SCAPER: variants seen among roughly 807,000 people sequenced by gnomAD.
The protein encoded by SCAPER is S phase cyclin A-associated protein in the endoplasmic reticulum.
A neutral mutation model predicts 182.2 loss-of-function variants in SCAPER; 98 were observed. The ratio of observed to expected loss-of-function variants is 0.54; its 90% CI spans 0.46 to 0.64. SCAPER has a LOEUF of 0.64. Ranked by LOEUF, SCAPER falls within the 30% of genes least tolerant of loss-of-function variation. SCAPER has a pLI of 0.00. For missense variants in SCAPER, 1,432 were observed against 1,690.0 expected (o/e 0.85, Z 2.68); for synonymous variants, 605 against 564.6 (o/e 1.07, Z -1.01).
chr15:76,874,118 T>C (rs921502312), intron 2 of SCAPER, among the ~76,000 whole-genome samples: 10 of 152,266 alleles, frequency 6.6e-5, no homozygotes, highest in Middle Eastern at 3.4e-3. Context: ...GGTCTTGAAC[T>C]CCTAGCCTCA....
At chr15:76,727,688 T>C (rs1449077866) in intron 17 of SCAPER, among the ~76,000 whole-genome samples, 1 of 152,014 alleles carries the variant, frequency 6.6e-6, no homozygotes, top group African/African-American at 2.4e-5. Flanking sequence ...CCAAAAGGCA[T>C]AAATTATAGT....
chr15:76,833,543 C>T (rs1168150777), intron 5 of SCAPER, among the ~76,000 whole-genome samples: 1 of 152,140 alleles, frequency 6.6e-6, no homozygotes, highest in African/African-American at 2.4e-5. Context: ...ATGGGCTAAA[C>T]ATTCCACTTA....
intron 24 of SCAPER, among the ~76,000 whole-genome samples, chr15:76,501,360 A>AG (rs1379545704): frequency 6.6e-6 from 1 of 152,044 alleles, no homozygotes; most frequent in Non-Finnish European, 1.5e-5. Context: ...AAAAAAAAAA[A>AG]AAAGCTTCTG....
intron 23 of SCAPER, among the ~76,000 whole-genome samples, chr15:76,558,108 G>A (rs1486491235): frequency 2.0e-5 from 3 of 152,040 alleles, no homozygotes; most frequent in Non-Finnish European, 4.4e-5. Context: ...TCACAACTAA[G>A]ATCACAAAAT....
intron 20 of SCAPER, among the ~76,000 whole-genome samples, chr15:76,666,579 A>G (rs1476121625): frequency 1.3e-5 from 2 of 152,190 alleles, no homozygotes; most frequent in Non-Finnish European, 2.9e-5. Context: ...ATGTGGCTAT[A>G]ATTACAAACT....
chr15:76,817,513 A>C (rs936600932), intron 5 of SCAPER, among the ~76,000 whole-genome samples: 1 of 152,188 alleles, frequency 6.6e-6, no homozygotes, highest in South Asian at 2.1e-4. Context: ...GCATGAGGGC[A>C]CTAGTTAATG....
intron 20 of SCAPER, among the ~76,000 whole-genome samples, chr15:76,666,773 A>G (rs1408103151): frequency 2.6e-5 from 4 of 152,294 alleles, no homozygotes; most frequent in African/African-American, 9.6e-5. Context: ...TTGATTAAGG[A>G]AAACAGCATT....
intron 25 of SCAPER, among the ~76,000 whole-genome samples, chr15:76,436,081 T>G (rs150250955): frequency 4.6e-4 from 70 of 152,372 alleles, no homozygotes; most frequent in East Asian, 1.2e-3. Flanking sequence ...GTTTTGTTTT[T>G]TTTGGAGACA....
intron 8 of SCAPER, among the ~76,000 whole-genome samples, chr15:76,785,760 A>T (rs992523154): frequency 1.3e-5 from 2 of 152,168 alleles, no homozygotes; most frequent in Admixed American, 6.5e-5. Flanking sequence ...CATCATTCTC[A>T]GCAAACTATC....
intron 15 of SCAPER, among the ~76,000 whole-genome samples, chr15:76,749,006 T>C (rs1006336040): frequency 2.0e-5 from 3 of 151,952 alleles, no homozygotes; most frequent in Non-Finnish European, 4.4e-5. Context: ...GAACCCTTCC[T>C]AAATCACTTT....
At chr15:76,715,801 A>C (rs2059861052) in intron 17 of SCAPER, among the ~76,000 whole-genome samples, 1 of 152,114 alleles carries the variant, frequency 6.6e-6, no homozygotes, top group Non-Finnish European at 1.5e-5. Context: ...CCAAGGTCAG[A>C]AGCATGCCTA....
intron 2 of SCAPER, among the ~76,000 whole-genome samples, chr15:76,878,564 AGTGCCAAAG>A (rs1177537866): frequency 1.3e-5 from 2 of 152,176 alleles, no homozygotes; most frequent in African/African-American, 2.4e-5. Context: ...GAGTAGGAGA[AGTGCCAAAG>A]GTGCCAAAGG....
chr15:76,903,923 T>G (rs764799681), intron 1 of SCAPER, among the ~76,000 whole-genome samples: 1 of 152,206 alleles, frequency 6.6e-6, no homozygotes, highest in African/African-American at 2.4e-5. Context: ...GGGTTGGGGC[T>G]GAGATTCAAA....
chr15:76,470,232 T>C (rs535841150), intron 25 of SCAPER, among the ~76,000 whole-genome samples: 1 of 152,310 alleles, frequency 6.6e-6, no homozygotes, highest in African/African-American at 2.4e-5. Context: ...AGTGATAACT[T>C]ACTTCCTGTC....
In SCAPER at chr15:76,826,329, G is replaced by A. The variant is rs537050248; in HGVS notation, c.393+15405C>T. Among the ~76,000 whole-genome samples, 11 of 146,732 alleles carry A rather than the reference G, an allele frequency of 7.5e-5. No homozygotes were observed. In the East Asian group the frequency reaches 1.2e-3, roughly 16 times the overall value. ...TCGCAAGAACAAAAAACCAAACACC[G>A]CATATTCTCACTCATAGGTGGGAAC... On this transcript the variant is annotated intron_variant, in intron 5 of 31. Transcript: ENST00000563290.
At chr15:76,580,670 A>G (rs1159240346) in intron 22 of SCAPER, among the ~76,000 whole-genome samples, 1 of 152,168 alleles carries the variant, frequency 6.6e-6, no homozygotes, top group Non-Finnish European at 1.5e-5. Context: ...AAGCAGTACT[A>G]AGAGGAAAGT....
chr15:76,501,041 T>TA (rs749711298), intron 24 of SCAPER, among the ~76,000 whole-genome samples: 18,009 of 136,362 alleles, frequency 0.13, 1,434 homozygotes, highest in African/African-American at 0.25. Context: ...AAACCCTGTC[T>TA]AAAAAAAAAA....
chr15:76,591,742 T>C (rs975128315), intron 22 of SCAPER, among the ~76,000 whole-genome samples: 3 of 152,292 alleles, frequency 2.0e-5, no homozygotes, highest in Non-Finnish European at 4.4e-5. Flanking sequence ...TCAAAATATA[T>C]ATATAAGTTT....
chr15:76,452,632 G>A (rs972736675), intron 25 of SCAPER, among the ~76,000 whole-genome samples: 12 of 152,134 alleles, frequency 7.9e-5, no homozygotes, highest in African/African-American at 2.7e-4. Flanking sequence ...GTTGAACGCC[G>A]TATTTCAGCT....
Sources: allele counts gnomAD v4.1 joint callset (sites outside exome capture counted in the v4.1 genomes callset), GRCh38; gene constraint gnomAD v4.1.1; transcripts MANE v1.5; gene names NCBI Gene and HGNC (gene_info 2026-07-23, HGNC 2026-07-21).